Variants in VGLL3 observed in about 807,000 individuals in gnomAD.
VGLL3 encodes the protein vestigial like family member 3.
VGLL3 carries 18 observed loss-of-function variants against 29.2 expected under a neutral mutation model. The observed-to-expected ratio is 0.62, with a 90% CI of 0.43 to 0.91. VGLL3 has a LOEUF of 0.91. Among genes scored for constraint, VGLL3 ranks in the 40% least tolerant of loss-of-function variants. The pLI is 0.00. For missense variants in VGLL3, 440 were observed against 413.2 expected (o/e 1.06, Z -0.56); for synonymous variants, 180 against 151.8 (o/e 1.19, Z -1.36).
At chr3:86,955,321 G>A (rs1355576716) in intron 3 of VGLL3, among the ~76,000 whole-genome samples, 2 of 149,588 alleles carry the variant, frequency 1.3e-5, no homozygotes, top group African/African-American at 2.5e-5. Flanking sequence ...AATGAGATAT[G>A]TTGCATATAT....
At chr3:86,967,479 C>T (rs1477987967) in intron 3 of VGLL3, among the ~76,000 whole-genome samples, 2 of 152,148 alleles carry the variant, frequency 1.3e-5, no homozygotes, top group Non-Finnish European at 2.9e-5. Context: ...ATGGAAAGCT[C>T]AGTGGAGAAA....
chr3:86,973,072 A>C (rs556912706), intron 2 of VGLL3, among the ~76,000 whole-genome samples: 208 of 148,114 alleles, frequency 1.4e-3, no homozygotes, highest in African/African-American at 4.1e-3. Context: ...TCTTAAAAAA[A>C]ACACACACAC....
intron 1 of VGLL3, among the ~76,000 whole-genome samples, chr3:86,980,193 T>C (rs941044383): frequency 6.6e-6 from 1 of 151,330 alleles, no homozygotes; most frequent in Non-Finnish European, 1.5e-5. Context: ...AATAGATAAA[T>C]CACTCCAGAA....
intron 1 of VGLL3, among the ~76,000 whole-genome samples, chr3:86,987,566 G>C (rs1705475851): frequency 6.6e-6 from 1 of 152,160 alleles, no homozygotes; most frequent in African/African-American, 2.4e-5. Context: ...GGGTTCTCCT[G>C]AGGAGTTGTT....
Position 86,943,319 on chromosome 3 carries a change from C to A in VGLL3, c.*3705G>T, listed in dbSNP as rs905953879. The A allele has an allele frequency of 1.3e-5, 2 of 152,160 alleles. No individual in the cohort carries two copies. Among genetic ancestry groups the A allele is most frequent in the Admixed American group, 1.3e-4 (2 of 15,276 alleles). 9.4% of individuals were successfully genotyped at this position (152,160 alleles called of 1,614,324 possible). A position where few individuals can be genotyped will look rare whatever the true frequency, so the allele number is the denominator to read the frequency against. Reference sequence around the variant, plus strand: ...GGGACACTCAGTAAGGAATAGAATACAGGTTCTTGAAACAGTTTCTGATTT... The same window carrying A: ...GGGACACTCAGTAAGGAATAGAATAAAGGTTCTTGAAACAGTTTCTGATTT... On this transcript the variant is annotated 3_prime_UTR_variant, in exon 4 of 4. Transcript: ENST00000398399.
chr3:86,969,382 T>A (rs1705041868), intron 2 of VGLL3, among the ~76,000 whole-genome samples: 1 of 152,202 alleles, frequency 6.6e-6, no homozygotes, highest in African/African-American at 2.4e-5. Context: ...CGTCACAGTC[T>A]GTGCTAAGGT....
rs1704577144 is a variant in VGLL3 at position 86,949,705 on chromosome 3, T to C, written c.938-2638A>G. ...GCCGGGCGTGATGGCGGGCGCCCTG[T>C]AGTCCCAGCTACTCGGGAGGCTGAG... On this transcript the variant is annotated intron_variant, in intron 3 of 3. Transcript: ENST00000398399. 2.6e-5 allele frequency among the ~76,000 whole-genome samples: 4 copies of C among 151,428 alleles called. No homozygotes were observed. The South Asian group carries it at 6.3e-4, about 24-fold the overall frequency.
chr3:86,959,347 A>C (rs1393654728), intron 3 of VGLL3, among the ~76,000 whole-genome samples: 3 of 152,184 alleles, frequency 2.0e-5, no homozygotes, highest in Non-Finnish European at 2.9e-5. Flanking sequence ...TATACAGATT[A>C]CTAATATTGT....
intron 1 of VGLL3, 115 bp from the exon 2 acceptor site, chr3:86,978,917 T>C: frequency 8.5e-7 from 1 of 1,175,020 alleles, no homozygotes; most frequent in Non-Finnish European, 1.2e-6. Context: ...GTTTGCAAAC[T>C]GATTCTTCTT....
rs1704411755 is a variant in VGLL3, at chr3:86,942,088, C to T, written c.*4936G>A. 6.6e-6 allele frequency: 1 copy of T among 152,040 alleles called. No homozygotes were observed. The highest frequency in any genetic ancestry group is 2.4e-5 in the African/African-American group (1 of 41,386). The allele number at this position is 152,040 out of a possible 1,614,324, so 9.4% of individuals were successfully genotyped here. On this transcript the variant is annotated 3_prime_UTR_variant, in exon 4 of 4. Coordinates refer to ENST00000398399, the MANE Select transcript of VGLL3 (RefSeq NM_016206.4). The stretch of plus-strand genomic sequence containing the variant: ...ATAATAGATTTAAAGGGCACTTTGG[C>T]CTTTAAATATTTTCAGAGAATAAAC...
At position 86,981,111 on chromosome 3, in the gene VGLL3, A is replaced by C. The variant is rs563204108; in HGVS notation, c.127-2309T>G. Among the ~76,000 whole-genome samples the C allele has an allele frequency of 1.1e-3, 163 of 152,250 alleles. 1 individual carries two copies. The highest frequency in any genetic ancestry group is 3.8e-3 in the African/African-American group (157 of 41,564). ...AGCAATTAATTCTTAGATGAAATAA[A>C]ATTGAAGTTATATATATGTAAAGGA... On this transcript the variant is annotated intron_variant, in intron 1 of 3. Transcript: ENST00000398399.
intron 3 of VGLL3, among the ~76,000 whole-genome samples, chr3:86,953,575 G>A (rs1704655914): frequency 6.6e-6 from 1 of 152,048 alleles, no homozygotes; most frequent in Admixed American, 6.6e-5. Context: ...TGTTTAGGAA[G>A]TTTGTACCCA....
At chr3:86,980,696 T>C (rs1186871558) in intron 1 of VGLL3, among the ~76,000 whole-genome samples, 2 of 152,092 alleles carry the variant, frequency 1.3e-5, no homozygotes, top group Non-Finnish European at 1.5e-5. Context: ...CATTAAAAAA[T>C]TAAATGAATA....
chr3:86,946,962 G>T lies in VGLL3; in HGVS notation c.*62C>A. 1.3e-6 allele frequency: 1 copy of T among 772,300 alleles called. No homozygotes were observed. Among genetic ancestry groups the T allele is most frequent in the Non-Finnish European group, 2.4e-6 (1 of 413,896 alleles). The allele number at this position is 772,300 out of a possible 1,614,324, so 47.8% of individuals were successfully genotyped here. ...TATTGCTGAATGGAAAAACCCGACA[G>T]TATCTTTTCCCAGTGGGCCCTTGGA... is the stretch of plus-strand genomic sequence containing the variant. On this transcript the variant is annotated 3_prime_UTR_variant, in exon 4 of 4. Coordinates refer to ENST00000398399, the MANE Select transcript of VGLL3 (RefSeq NM_016206.4).
intron 1 of VGLL3, among the ~76,000 whole-genome samples, chr3:86,980,178 G>A (rs1705295510): frequency 6.7e-6 from 1 of 149,148 alleles, no homozygotes; most frequent in African/African-American, 2.5e-5. Flanking sequence ...ATGAATGTGA[G>A]TAGAAATAGA....
intron 2 of VGLL3, among the ~76,000 whole-genome samples, chr3:86,977,813 T>C (rs552322931): frequency 6.6e-6 from 1 of 152,350 alleles, no homozygotes; most frequent in African/African-American, 2.4e-5. Flanking sequence ...TCTCTGAAGC[T>C]GTCATTGGAA....
intron 2 of VGLL3, among the ~76,000 whole-genome samples, chr3:86,975,840 C>G (rs1705199297): frequency 6.6e-6 from 1 of 152,088 alleles, no homozygotes; most frequent in Admixed American, 6.5e-5. Flanking sequence ...CGCGGTGGCT[C>G]ACATCTGTAA....
In VGLL3 at chr3:86,946,179, T is replaced by C. The variant is rs1340053031; in HGVS notation, c.*845A>G. The C allele has an allele frequency of 6.6e-6, 1 of 152,170 alleles. No individual in the cohort carries two copies. The highest frequency in any genetic ancestry group is 1.5e-5 in the Non-Finnish European group (1 of 68,020). The allele number at this position is 152,170 out of a possible 1,614,324, so 9.4% of individuals were successfully genotyped here. A position where few individuals can be genotyped will look rare whatever the true frequency, so the allele number is the denominator to read the frequency against. On this transcript the variant is annotated 3_prime_UTR_variant, in exon 4 of 4. Coordinates refer to ENST00000398399, the MANE Select transcript of VGLL3 (RefSeq NM_016206.4). ...GAATTAGTCTCCTCTAGGCAAACTC[T>C]TCATTTGATTGAAAGTTTATGCCAA...
chr3:86,981,128 T>C lies in VGLL3; in HGVS notation c.127-2326A>G, dbSNP rs1227093519. Among the ~76,000 whole-genome samples the C allele has an allele frequency of 2.0e-5, 3 of 152,140 alleles. No homozygotes were observed. The East Asian group carries it at 5.8e-4, about 29-fold the overall frequency. On this transcript the variant is annotated intron_variant, in intron 1 of 3. Transcript: ENST00000398399. ...TGAAATAAAATTGAAGTTATATATATGTAAAGGATTTGAAGGCCATGAATC... is the reference window on the plus strand; with the variant it reads ...TGAAATAAAATTGAAGTTATATATACGTAAAGGATTTGAAGGCCATGAATC...
Sources: allele counts gnomAD v4.1 joint callset (sites outside exome capture counted in the v4.1 genomes callset), GRCh38; gene constraint gnomAD v4.1.1; transcripts MANE v1.5; gene names NCBI Gene and HGNC (gene_info 2026-07-23, HGNC 2026-07-21).